The following CAMSAP1 variants were observed in gnomAD, a reference collection of about 807,000 sequenced individuals.
The protein encoded by CAMSAP1 is calmodulin regulated spectrin associated protein 1.
A neutral mutation model predicts 143.5 loss-of-function variants in CAMSAP1; 58 were observed. The observed-to-expected ratio is 0.40, with a 90% confidence interval of 0.33 to 0.50. The LOEUF (loss-of-function observed/expected upper bound fraction) is 0.50. CAMSAP1 is among the 20% of genes least tolerant of loss of function. The probability of loss-of-function intolerance (pLI) is 0.45; values close to 1 mark genes in which losing one functional copy is unlikely to be tolerated. For missense variants in CAMSAP1, 1,969 were observed against 2,115.7 expected (o/e 0.93, Z 1.36); for synonymous variants, 945 against 859.3 (o/e 1.10, Z -1.74).
At chr9:135,817,191 C>A (rs1187591374) in intron 14 of CAMSAP1, among the ~76,000 whole-genome samples, 1 of 152,170 alleles carries the variant, frequency 6.6e-6, no homozygotes, top group Non-Finnish European at 1.5e-5. Flanking sequence ...CAAACCAGAT[C>A]CTGGACTCGG....
chr9:135,860,389 G>A (rs1007869855), intron 5 of CAMSAP1, among the ~76,000 whole-genome samples: 4 of 152,112 alleles, frequency 2.6e-5, no homozygotes, highest in Admixed American at 2.6e-4. Context: ...CCTGAGGTCA[G>A]GAGTTCCAGA....
intron 1 of CAMSAP1, among the ~76,000 whole-genome samples, chr9:135,896,829 G>A (rs116684750): frequency 0.014 from 2,099 of 152,280 alleles, 33 homozygotes; most frequent in African/African-American, 0.045. Flanking sequence ...GTGAGAGGTG[G>A]GGCCTTTCGG....
In CAMSAP1 at chr9:135,815,172, C is replaced by T. The variant is rs1835187412; in HGVS notation, c.4431G>A (p.Pro1477=). The T allele has an allele frequency of 6.8e-6, 11 of 1,613,748 alleles. No homozygotes were observed. Among genetic ancestry groups the T allele is most frequent in the South Asian group, 1.1e-5 (1 of 91,006 alleles). ...AATGGGATATGGCATTGTGAATAAT[C>T]GGCTTGTTTGATTTACTACTGGGCT... The part of the protein sequence containing the change: ...FKEPSSKSNK[P]IIHNAISHCC... Residue 1477 remains proline (P), a synonymous_variant, in exon 16 of 17, where the codon CCG becomes CCA. Transcript: ENST00000389532.
At chr9:135,865,979 T>C (rs1199558345) in intron 4 of CAMSAP1, among the ~76,000 whole-genome samples, 1 of 152,190 alleles carries the variant, frequency 6.6e-6, no homozygotes, top group Non-Finnish European at 1.5e-5. Flanking sequence ...GGCTAATGGC[T>C]GGAAGGTGCA....
Position 135,881,731 on chromosome 9 carries a change from C to T in CAMSAP1, c.487G>A (p.Glu163Lys). 3.2e-6 allele frequency: 5 copies of T among 1,551,860 alleles called. No individual in the cohort carries two copies. Among genetic ancestry groups the T allele is most frequent in the South Asian group, 1.2e-5 (1 of 84,060 alleles). Reference protein sequence around the residue: ...MAYTVEMISIEKVVASVKRFS... With the variant: ...MAYTVEMISIKKVVASVKRFS... The stretch of plus-strand genomic sequence containing the variant: ...CGCTTGACACTGGCCACCACCTTCT[C>T]GATGCTGATCATCTCCACAGTGTAG... The change falls in exon 3 of 17, where the codon GAG (glutamate) becomes AAG (lysine). Residue 163 changes from glutamate (E) to lysine (K), a missense_variant. Transcript: ENST00000389532.
intron 3 of CAMSAP1, among the ~76,000 whole-genome samples, chr9:135,876,517 T>C (rs945885849): frequency 6.6e-6 from 1 of 152,168 alleles, no homozygotes; most frequent in African/African-American, 2.4e-5. Flanking sequence ...TCCACTCAAA[T>C]GGCTAAAGAG....
intron 8 of CAMSAP1, 113 bp downstream of exon 8, chr9:135,827,294 A>C: frequency 9.1e-7 from 1 of 1,102,446 alleles, no homozygotes; most frequent in Non-Finnish European, 1.2e-6. Flanking sequence ...ATCTTTCATA[A>C]GCGAATACAA....
At chr9:135,849,210 C>T (rs778667069) in intron 7 of CAMSAP1, among the ~76,000 whole-genome samples, 2 of 152,158 alleles carry the variant, frequency 1.3e-5, no homozygotes, top group Non-Finnish European at 1.5e-5. Context: ...AGCCTACAGC[C>T]GGGCGAAATC....
At chr9:135,888,773 C>T (rs539213109) in intron 1 of CAMSAP1, among the ~76,000 whole-genome samples, 1 of 152,340 alleles carries the variant, frequency 6.6e-6, no homozygotes, top group African/African-American at 2.4e-5. Flanking sequence ...TAGTCCACGC[C>T]CCAGCTCCAT....
chr9:135,821,447 G>A lies in CAMSAP1; in HGVS notation c.3214C>T (p.Pro1072Ser). 6.2e-7 allele frequency: 1 copy of A among 1,614,060 alleles called. No homozygotes were observed. The highest frequency in any genetic ancestry group is 8.5e-7 in the Non-Finnish European group (1 of 1,179,896). ...NNSQDHKVKA[P>S]VHFVEPLSPT... ...GAGAGTGGCTCCACGAAGTGGACTG[G>A]TGCCTTCACTTTGTGGTCCTGCGAG... The change falls in exon 11 of 17, where the codon CCA (proline) becomes TCA (serine). Residue 1072 changes from proline (P) to serine (S), a missense_variant. By Grantham distance (74) the Pro-to-Ser change is moderately conservative (BLOSUM62 -1). Transcript: ENST00000389532. This position sits in a 1 kb window ranked among gnomAD's most constrained non-coding sequence, Gnocchi z 4.6.
rs535192427 is a variant in CAMSAP1, at chr9:135,820,220, T to C, written c.3822+619A>G. The stretch of plus-strand genomic sequence containing the variant: ...CTGTGTATCAAAATCTATCTAAACA[T>C]TGAAAAACTACCACGAAAACATGGT... On this transcript the variant is annotated intron_variant, in intron 11 of 16. Coordinates refer to ENST00000389532, the MANE Select transcript of CAMSAP1 (RefSeq NM_015447.4). The surrounding 1 kb of genome is among the most constrained non-coding windows in gnomAD (Gnocchi z 4.4). Among the ~76,000 whole-genome samples, 20 of 152,208 alleles carry C rather than the reference T, an allele frequency of 1.3e-4. No individual in the cohort carries two copies. The highest frequency in any genetic ancestry group is 4.8e-4 in the African/African-American group (20 of 41,520).
chr9:135,906,390 G>A (rs1202137036), intron 1 of CAMSAP1, among the ~76,000 whole-genome samples: 1 of 152,198 alleles, frequency 6.6e-6, no homozygotes, highest in African/African-American at 2.4e-5. Context: ...CCCAGGGCAC[G>A]AAACAGAAGC....
chr9:135,854,671 C>G (rs1253413553), intron 5 of CAMSAP1, among the ~76,000 whole-genome samples: 1 of 152,074 alleles, frequency 6.6e-6, no homozygotes, highest in Non-Finnish European at 1.5e-5. Context: ...CCAGGCTGGT[C>G]TTGAACTCCT....
In CAMSAP1 at chr9:135,821,201, G is replaced by C. The variant is rs765542102; in HGVS notation, c.3460C>G (p.Leu1154Val). The C allele has an allele frequency of 3.7e-6, 6 of 1,609,508 alleles. No homozygotes were observed. Among genetic ancestry groups the C allele is most frequent in the Non-Finnish European group, 5.1e-6 (6 of 1,179,886 alleles). ...CCATGTGGGTCACCACTGGGCTCCA[G>C]GGCACTGTCCAGGCCAGGGTCCGTG... The part of the protein sequence containing the change: ...TPTDPGLDSA[L>V]EPSGDPHGKC... Residue 1154 changes from leucine (L) to valine (V), a missense_variant, in exon 11 of 17, where the codon CTG becomes GTG. By Grantham distance (32) the Leu-to-Val change is conservative. Transcript: ENST00000389532. The surrounding 1 kb of genome is among the most constrained non-coding windows in gnomAD (Gnocchi z 4.6).
At position 135,814,957 on chromosome 9, in the gene CAMSAP1, C is replaced by T. The variant is rs556064969; in HGVS notation, c.4506+140G>A. The T allele has an allele frequency of 7.2e-4, 478 of 660,122 alleles. 5 individuals are homozygous for T. In the South Asian group the frequency reaches 7.9e-3, roughly 11 times the overall value. 40.9% of individuals were successfully genotyped at this position (660,122 alleles called of 1,614,324 possible). A position where few individuals can be genotyped will look rare whatever the true frequency, so the allele number is the denominator to read the frequency against. On this transcript the variant is annotated intron_variant, in intron 16 of 16. Coordinates refer to ENST00000389532, the MANE Select transcript of CAMSAP1 (RefSeq NM_015447.4). ...ACTCCTCACTCCCACCTGCCTGGAA[C>T]GGCCTCTTCCTTGAAATCTGCATTC...
intron 1 of CAMSAP1, among the ~76,000 whole-genome samples, chr9:135,894,363 G>C (rs746364741): frequency 1.6e-4 from 24 of 152,296 alleles, no homozygotes; most frequent in Non-Finnish European, 3.5e-4. Context: ...CGAGGGGAGG[G>C]GCGGACACCG....
intron 15 of CAMSAP1, among the ~76,000 whole-genome samples, 154 bp downstream of exon 15, chr9:135,815,736 A>T (rs1304624212): frequency 6.6e-6 from 1 of 152,284 alleles, no homozygotes; most frequent in Admixed American, 6.5e-5. Context: ...CCATTTCAGC[A>T]CCAAAGAGCT....
At position 135,821,099 on chromosome 9, in the gene CAMSAP1, C is replaced by T. The variant is rs1295890183; in HGVS notation, c.3562G>A (p.Ala1188Thr). 1 of 1,613,884 alleles carries T rather than the reference C, an allele frequency of 6.2e-7. No homozygotes were observed. Among genetic ancestry groups the T allele is most frequent in the Non-Finnish European group, 8.5e-7 (1 of 1,179,904 alleles). Reference sequence around the variant, plus strand: ...CTCATCTGCTCCGAAAGAATGTTGGCATCTTTGGAAGAGGACAGAGTAAGT... The same window carrying T: ...CTCATCTGCTCCGAAAGAATGTTGGTATCTTTGGAAGAGGACAGAGTAAGT... ...RTLTLSSSKD[A>T]NILSEQMSLK... is the part of the protein sequence containing the mutation. The change falls in exon 11 of 17, where the codon GCC becomes ACC. Residue 1188 changes from alanine (A) to threonine (T), a missense_variant. Physicochemically the swap from Ala to Thr is moderately conservative, Grantham distance 58. Coordinates refer to ENST00000389532, the MANE Select transcript of CAMSAP1 (RefSeq NM_015447.4). This position sits in a 1 kb window ranked among gnomAD's most constrained non-coding sequence, Gnocchi z 4.6.
intron 1 of CAMSAP1, among the ~76,000 whole-genome samples, chr9:135,886,482 G>A (rs553715727): frequency 1.8e-4 from 28 of 152,194 alleles, no homozygotes; most frequent in Non-Finnish European, 3.2e-4. Flanking sequence ...ACCCTGTTAA[G>A]AGAATTTCAG....
Sources: allele counts gnomAD v4.1 joint callset (sites outside exome capture counted in the v4.1 genomes callset), GRCh38; gene constraint gnomAD v4.1.1; non-coding constraint Gnocchi (gnomAD v3.1); transcripts MANE v1.5; gene names NCBI Gene and HGNC (gene_info 2026-07-23, HGNC 2026-07-21).